RUFY4: variants seen among roughly 807,000 people sequenced by gnomAD.
RUFY4 encodes RUN and FYVE domain-containing protein 4.
Under a neutral mutation model 69.0 loss-of-function variants are expected in RUFY4, and 73 were observed. The ratio of observed to expected loss-of-function variants is 1.06; its 90% confidence interval spans 0.88 to 1.29. The LOEUF is 1.29. RUFY4 is among the 50% of genes most tolerant of loss of function. The probability of loss-of-function intolerance (pLI) is 0.00; values close to 1 mark genes in which losing one functional copy is unlikely to be tolerated. For synonymous variants in RUFY4, 287 were observed against 271.8 expected (o/e 1.06, Z -0.55); for missense variants, 770 against 705.6 (o/e 1.09, Z -1.03).
At chr2:218,067,069 A>C (rs1176287156), upstream of RUFY4, among the ~76,000 whole-genome samples, 1 of 152,228 alleles carries the variant, frequency 6.6e-6, no homozygotes, top group African/African-American at 2.4e-5. Flanking sequence ...CGTCTCTGTG[A>C]GATGAGAGAG....
At chr2:218,056,875 C>T (rs1689076316) in intron 2 of RUFY4, among the ~76,000 whole-genome samples, 1 of 152,108 alleles carries the variant, frequency 6.6e-6, no homozygotes, top group South Asian at 2.1e-4. Context: ...CACTTGAGGT[C>T]GGGAGTTTGA....
chr2:218,072,296 C>A (rs1410075642), intron 2 of RUFY4, 78 bp from the exon 5 acceptor site: 1 of 1,492,536 alleles, frequency 6.7e-7, no homozygotes, highest in Non-Finnish European at 8.9e-7. Flanking sequence ...CAGTACATGT[C>A]CCCTCAGCAA....
intron 2 of RUFY4, among the ~76,000 whole-genome samples, chr2:218,057,120 A>G (rs975846485): frequency 1.3e-5 from 2 of 151,590 alleles, no homozygotes; most frequent in Non-Finnish European, 2.9e-5. Flanking sequence ...AGTTTTACCC[A>G]GCGCTGTCCT....
rs923738442 is a variant in RUFY4, at chr2:218,075,726, C to T, written c.1234C>T (p.Gln412Ter). ...GGAGGAGCAAGCCGAGGTGTCCCTG[C>T]AGGACGAGATCAAGGTGAGAACAGT... Residue 412 changes from glutamine (Q) to a stop codon, truncating the protein, a stop_gained, in exon 7 of 11, where the codon CAG (glutamine) becomes TAG (stop). Coordinates refer to ENST00000344321, the Ensembl canonical transcript of RUFY4. LOFTEE classifies it high-confidence loss of function. The T allele has an allele frequency of 6.9e-6, 10 of 1,445,684 alleles. No individual in the cohort carries two copies. Among genetic ancestry groups the T allele is most frequent in the East Asian group, 4.8e-5 (2 of 41,268 alleles). The allele number at this position is 1,445,684 out of a possible 1,614,324, so 89.6% of individuals were successfully genotyped here.
At chr2:218,090,052 TGACCAA>T (rs915255237) in exon 11 of RUFY4, 5 of 1,536,062 alleles carry the variant, frequency 3.3e-6, no homozygotes, top group South Asian at 1.2e-5. Flanking sequence ...CCAGGTCACC[TGACCAA>T]GACCAAGACC....
intron 1 of RUFY4, 39 bp from the exon 4 acceptor site, chr2:218,070,714 C>G: frequency 6.5e-7 from 1 of 1,534,636 alleles, no homozygotes. Flanking sequence ...TCTGGGAGCC[C>G]CTCCCTCAGC....
chr2:218,045,095 T>G (rs976172880), intron 2 of RUFY4, among the ~76,000 whole-genome samples: 1 of 152,224 alleles, frequency 6.6e-6, no homozygotes, highest in Non-Finnish European at 1.5e-5. Context: ...CTCCCCAACC[T>G]GGCCAGCATC....
upstream of RUFY4, among the ~76,000 whole-genome samples, chr2:218,069,850 A>G (rs1408302597): frequency 6.6e-6 from 1 of 152,122 alleles, no homozygotes; most frequent in Non-Finnish European, 1.5e-5. Context: ...TCAGGGCCAC[A>G]GTGTCCCTCT....
At chr2:218,065,232 G>T (rs1689295945), upstream of RUFY4, among the ~76,000 whole-genome samples, 1 of 152,154 alleles carries the variant, frequency 6.6e-6, no homozygotes, top group Non-Finnish European at 1.5e-5. Context: ...CCCACTGCAG[G>T]CAGGGCATCA....
intron 10 of RUFY4, 30 bp from the exon 13 acceptor site, chr2:218,089,922 G>A (rs375401082): frequency 6.0e-5 from 91 of 1,513,064 alleles, no homozygotes; most frequent in South Asian, 2.0e-4. Context: ...TGCAGAGGCC[G>A]CCCCAGGCTT....
chr2:218,064,595 G>A (rs772897469), upstream of RUFY4, among the ~76,000 whole-genome samples: 130 of 152,312 alleles, frequency 8.5e-4, no homozygotes, highest in Non-Finnish European at 1.6e-3. Flanking sequence ...GTGGCCACCA[G>A]CTGGCAGGGG....
intron 2 of RUFY4, among the ~76,000 whole-genome samples, chr2:218,058,245 A>G (rs903125357): frequency 2.0e-5 from 3 of 152,212 alleles, no homozygotes; most frequent in Admixed American, 6.5e-5. Flanking sequence ...TCTTCTGATC[A>G]CTTTCTCCTT....
chr2:218,044,563 T>C (rs1470061388), intron 2 of RUFY4, among the ~76,000 whole-genome samples: 2 of 152,182 alleles, frequency 1.3e-5, no homozygotes, highest in Non-Finnish European at 2.9e-5. Context: ...CCATTAGTTA[T>C]TTTTCCTGAT....
At chr2:218,074,017 G>C in intron 6 of RUFY4, 132 bp downstream of exon 8, 1 of 905,608 alleles carries the variant, frequency 1.1e-6, no homozygotes, top group South Asian at 1.4e-5. Context: ...CAGAGCAAGA[G>C]GCCAGTGTGT....
chr2:218,075,646 A>T (rs1280634897), exon 7 of RUFY4: 2 of 1,511,342 alleles, frequency 1.3e-6, no homozygotes, highest in South Asian at 1.4e-5. Flanking sequence ...ACAAAGGAAG[A>T]CTCTACCGTG....
chr2:218,041,576 A>G (rs79646979), intron 2 of RUFY4, among the ~76,000 whole-genome samples: 1,788 of 150,632 alleles, frequency 0.012, 36 homozygotes, highest in African/African-American at 0.042. Flanking sequence ...TAGGTTGGAC[A>G]CAGAAGTACA....
chr2:218,036,772 C>T (rs879611402), intron 2 of RUFY4, among the ~76,000 whole-genome samples: 3 of 152,222 alleles, frequency 2.0e-5, no homozygotes, highest in Admixed American at 6.5e-5. Context: ...CTGTCCACAG[C>T]GTGAAGTCAT....
chr2:218,066,177 C>CTTTTTTT (rs58665951), upstream of RUFY4, among the ~76,000 whole-genome samples: 5 of 74,442 alleles, frequency 6.7e-5, 1 homozygote, highest in East Asian at 8.3e-4. Context: ...CTTTTCTTTT[C>CTTTTTTT]TTTTTTTTTT....
chr2:218,085,366 A>G (rs1401793916), intron 9 of RUFY4, among the ~76,000 whole-genome samples: 2 of 152,128 alleles, frequency 1.3e-5, no homozygotes, highest in African/African-American at 4.8e-5. Context: ...AAAAAGAAAA[A>G]GGAAAAAAAA....
Sources: gnomAD v4.1 joint callset for allele counts (sites outside exome capture counted in the v4.1 genomes callset) on GRCh38, gnomAD v4.1.1 for gene constraint, MANE v1.5 for transcripts, NCBI Gene and HGNC (gene_info 2026-07-23, HGNC 2026-07-21) for gene names.